ATF7IP2: variants seen among roughly 807,000 people sequenced by gnomAD.
ATF7IP2 encodes the protein activating transcription factor 7-interacting protein 2.
ATF7IP2 carries 42 observed loss-of-function variants against 64.2 expected under a neutral mutation model. The ratio of observed to expected loss-of-function variants is 0.65; its 90% confidence interval spans 0.51 to 0.85. The LOEUF (loss-of-function observed/expected upper bound fraction) is 0.85, where lower values mean the gene tolerates loss of function less well. Among genes scored for constraint, ATF7IP2 ranks in the 40% least tolerant of loss-of-function variants. The pLI, the probability that ATF7IP2 is intolerant of heterozygous loss-of-function variation, is 0.00. For synonymous variants in ATF7IP2, 308 were observed against 272.8 expected (o/e 1.13, Z -1.27); for missense variants, 933 against 784.2 (o/e 1.19, Z -2.27).
intron 1 of ATF7IP2, among the ~76,000 whole-genome samples, chr16:10,408,946 G>A (rs142107797): frequency 1.2e-4 from 18 of 152,230 alleles, no homozygotes; most frequent in Admixed American, 2.0e-4. Flanking sequence ...ATAAATGCTC[G>A]GTTCGCAAAG....
chr16:10,451,521 A>G (rs1420956355), intron 8 of ATF7IP2, among the ~76,000 whole-genome samples: 3 of 151,890 alleles, frequency 2.0e-5, no homozygotes, highest in Non-Finnish European at 2.9e-5. Context: ...TTCCTTTTCA[A>G]AAATTCTTTT....
At chr16:10,466,573 A>T (rs1309217899) in intron 9 of ATF7IP2, among the ~76,000 whole-genome samples, 1 of 152,212 alleles carries the variant, frequency 6.6e-6, no homozygotes, top group African/African-American at 2.4e-5. Context: ...GGTGTATAGC[A>T]TCACATTGTG....
chr16:10,394,037 CAA>C (rs1004795495), intron 1 of ATF7IP2, among the ~76,000 whole-genome samples: 32 of 152,042 alleles, frequency 2.1e-4, no homozygotes, highest in African/African-American at 7.5e-4. Flanking sequence ...TCTAAACAAA[CAA>C]AAACAACCAA....
chr16:10,438,451 C>T (rs2048496243), intron 7 of ATF7IP2, among the ~76,000 whole-genome samples: 1 of 150,746 alleles, frequency 6.6e-6, no homozygotes, highest in Non-Finnish European at 1.5e-5. Context: ...TGAGGTTTCA[C>T]CATGTTGCCC....
rs771520328 is a variant in ATF7IP2, at chr16:10,432,607, G to A, written c.836-918G>A. ...AAAGAAGCCGGGCGCTGTGCCTAAC[G>A]AATACAATCCCAGCACTTTGGAAGG... is the stretch of plus-strand genomic sequence containing the variant. On this transcript the variant is annotated intron_variant, in intron 5 of 13. Coordinates refer to ENST00000562102, the MANE Select transcript of ATF7IP2 (RefSeq NM_001393719.1). Among the ~76,000 whole-genome samples, 8 of 152,224 alleles carry A rather than the reference G, an allele frequency of 5.3e-5. No homozygotes were observed. The East Asian group carries it at 1.2e-3, about 22-fold the overall frequency.
chr16:10,419,412 C>T (rs1009875408), intron 2 of ATF7IP2, among the ~76,000 whole-genome samples, 169 bp from the exon 3 acceptor site: 1 of 152,112 alleles, frequency 6.6e-6, no homozygotes, highest in African/African-American at 2.4e-5. Flanking sequence ...ACTGGGGGGT[C>T]CAGCCAAGTT....
intron 3 of ATF7IP2, among the ~76,000 whole-genome samples, chr16:10,423,553 T>G (rs1051068717): frequency 4.6e-5 from 7 of 152,180 alleles, no homozygotes; most frequent in African/African-American, 1.4e-4. Context: ...CTCAAGGCAC[T>G]GCCCAAACAG....
chr16:10,411,909 T>G (rs1241562265), intron 1 of ATF7IP2, among the ~76,000 whole-genome samples: 1 of 150,240 alleles, frequency 6.7e-6, no homozygotes, highest in East Asian at 1.9e-4. Flanking sequence ...TTATTTGTTT[T>G]TTTTTTTTTC....
chr16:10,426,085 A>C (rs1466236979), intron 3 of ATF7IP2, among the ~76,000 whole-genome samples: 1 of 152,234 alleles, frequency 6.6e-6, no homozygotes, highest in Non-Finnish European at 1.5e-5. Context: ...TCTATGTGCT[A>C]AAATAAATTC....
chr16:10,419,297 A>C (rs555306375), intron 2 of ATF7IP2, among the ~76,000 whole-genome samples: 1 of 152,304 alleles, frequency 6.6e-6, no homozygotes, highest in East Asian at 1.9e-4. Context: ...TGAATGTTCA[A>C]ATCCTAAAGA....
At chr16:10,391,529 A>G (rs1054518219) in intron 1 of ATF7IP2, among the ~76,000 whole-genome samples, 1 of 152,176 alleles carries the variant, frequency 6.6e-6, no homozygotes, top group Non-Finnish European at 1.5e-5. Flanking sequence ...TCTTTTTTGT[A>G]TTTTTGTTGA....
intron 7 of ATF7IP2, among the ~76,000 whole-genome samples, chr16:10,439,990 G>A (rs940401819): frequency 2.4e-4 from 36 of 151,602 alleles, no homozygotes; most frequent in African/African-American, 6.1e-4. Context: ...GAGAAACCCC[G>A]TCACTACTAA....
At position 10,431,401 on chromosome 16, in the gene ATF7IP2, A is replaced by T. The variant is rs148549701; in HGVS notation, c.781A>T (p.Asn261Tyr). The stretch of plus-strand genomic sequence containing the variant: ...TGAGTGTAGTAGAACCAGTATTTCA[A>T]ATTGTGAAAGTGCAGACTCAACATG... The part of the protein sequence containing the change: ...TDECSRTSIS[N>Y]CESADSTWQS... Residue 261 changes from asparagine (N) to tyrosine (Y), a missense_variant, in exon 5 of 14, where the codon AAT (asparagine) becomes TAT (tyrosine). Asn to Tyr is a moderately radical substitution (Grantham distance 143). Coordinates refer to ENST00000562102, the MANE Select transcript of ATF7IP2 (RefSeq NM_001393719.1). The T allele has an allele frequency of 6.2e-7, 1 of 1,612,090 alleles. No individual in the cohort carries two copies. The highest frequency in any genetic ancestry group is 2.2e-5 in the East Asian group (1 of 44,834).
intron 6 of ATF7IP2, among the ~76,000 whole-genome samples, chr16:10,436,482 G>C (rs1438300528): frequency 6.6e-6 from 1 of 151,872 alleles, no homozygotes; most frequent in African/African-American, 2.4e-5. Context: ...GTCTAATGTA[G>C]AGAAACCATG....
intron 3 of ATF7IP2, among the ~76,000 whole-genome samples, chr16:10,423,766 A>C (rs1253326675): frequency 2.6e-5 from 4 of 152,082 alleles, no homozygotes; most frequent in Non-Finnish European, 5.9e-5. Context: ...CCTCCTCCTC[A>C]TCAGTGTGAA....
At chr16:10,403,578 C>G (rs1044233215) in intron 1 of ATF7IP2, among the ~76,000 whole-genome samples, 3 of 152,102 alleles carry the variant, frequency 2.0e-5, no homozygotes, top group African/African-American at 7.2e-5. Context: ...AACACCCCCT[C>G]AAAGGAACAT....
At chr16:10,455,367 G>A (rs1459172379) in intron 8 of ATF7IP2, among the ~76,000 whole-genome samples, 1 of 152,220 alleles carries the variant, frequency 6.6e-6, no homozygotes, top group Non-Finnish European at 1.5e-5. Flanking sequence ...TGAAGATGGA[G>A]GAGGGCCTCA....
chr16:10,437,258 A>G (rs1309822447), intron 6 of ATF7IP2, among the ~76,000 whole-genome samples: 1 of 152,118 alleles, frequency 6.6e-6, no homozygotes, highest in Non-Finnish European at 1.5e-5. Context: ...TGACCTCGTG[A>G]TCTGCCCACC....
intron 9 of ATF7IP2, among the ~76,000 whole-genome samples, chr16:10,470,801 GTATATATATATATGTGTGTGTGTA>G (rs1206177107): frequency 1.4e-5 from 2 of 144,846 alleles, no homozygotes; most frequent in Non-Finnish European, 3.0e-5. Context: ...ATATATATAT[GTATATATATATATGTGTGTGTGTA>G]TATATATATA....
Sources: allele counts gnomAD v4.1 joint callset (sites outside exome capture counted in the v4.1 genomes callset), GRCh38; gene constraint gnomAD v4.1.1; transcripts MANE v1.5; gene names NCBI Gene and HGNC (gene_info 2026-07-23, HGNC 2026-07-21).